The following MINDY3 variants were observed in gnomAD, a reference collection of about 807,000 sequenced individuals.
MINDY3 encodes the protein ubiquitin carboxyl-terminal hydrolase MINDY-3.
In MINDY3, 38 loss-of-function variants were observed where a neutral mutation model predicts 69.2. That is an observed-to-expected ratio of 0.55 (90% CI 0.42 to 0.72). The LOEUF (loss-of-function observed/expected upper bound fraction) is 0.72, where lower values mean the gene tolerates loss of function less well. Among genes scored for constraint, MINDY3 ranks in the 30% least tolerant of loss-of-function variants. MINDY3 has a pLI of 0.00. For synonymous variants in MINDY3, 192 were observed against 180.1 expected (o/e 1.07, Z -0.53); for missense variants, 522 against 519.0 (o/e 1.01, Z -0.06).
intron 4 of MINDY3, among the ~76,000 whole-genome samples, chr10:15,838,568 C>A (rs765402229): frequency 6.6e-6 from 1 of 151,750 alleles, no homozygotes; most frequent in Admixed American, 6.6e-5. Context: ...TACTGATAAT[C>A]AGTGCCTCAC....
intron 1 of MINDY3, chr10:15,858,035 C>T: frequency 1.6e-6 from 1 of 624,316 alleles, no homozygotes. Context: ...TGCCTGTTCC[C>T]ACAATCCCAA....
At chr10:15,787,288 G>C (rs1564454275) in intron 12 of MINDY3, among the ~76,000 whole-genome samples, 1 of 152,142 alleles carries the variant, frequency 6.6e-6, no homozygotes, top group African/African-American at 2.4e-5. Context: ...TACCAAGGCT[G>C]GTGACAGGTG....
At chr10:15,785,104 A>T (rs1169875735) in intron 13 of MINDY3, among the ~76,000 whole-genome samples, 1 of 151,986 alleles carries the variant, frequency 6.6e-6, no homozygotes, top group Non-Finnish European at 1.5e-5. Context: ...GCTCTTGGAG[A>T]TCATACTGAG....
intron 2 of MINDY3, 66 bp downstream of exon 2, chr10:15,847,798 G>GA: frequency 8.6e-7 from 1 of 1,164,384 alleles, no homozygotes; most frequent in Admixed American, 1.8e-5. Context: ...ACAGACATTA[G>GA]AAAACGACAA....
chr10:15,847,116 C>T (rs1469135178), intron 2 of MINDY3, among the ~76,000 whole-genome samples: 1 of 152,154 alleles, frequency 6.6e-6, no homozygotes, highest in Non-Finnish European at 1.5e-5. Context: ...AATAAATTAG[C>T]TGTAATTTTT....
intron 10 of MINDY3, among the ~76,000 whole-genome samples, chr10:15,804,624 A>G (rs937965416): frequency 6.6e-6 from 1 of 152,144 alleles, no homozygotes; most frequent in Non-Finnish European, 1.5e-5. Flanking sequence ...ATAGTGTTTA[A>G]AGTCCCTCCA....
At chr10:15,837,512 T>C (rs1226734913) in intron 5 of MINDY3, 194 bp from the exon 6 acceptor site, 4 of 1,439,714 alleles carry the variant, frequency 2.8e-6, no homozygotes, top group East Asian at 2.8e-5. Context: ...TCACTATATA[T>C]GATATTTATC....
chr10:15,819,551 A>C (rs995252655), intron 9 of MINDY3, among the ~76,000 whole-genome samples: 10 of 152,124 alleles, frequency 6.6e-5, no homozygotes, highest in Admixed American at 2.0e-4. Flanking sequence ...AGAGTTATCC[A>C]AATTAGCCAA....
At chr10:15,783,691 T>A (rs1469844073) in intron 13 of MINDY3, among the ~76,000 whole-genome samples, 1 of 152,198 alleles carries the variant, frequency 6.6e-6, no homozygotes, top group Non-Finnish European at 1.5e-5. Context: ...ATGTCTTACA[T>A]TCCCAACTAA....
In MINDY3 at chr10:15,860,148, G is replaced by A. The variant is rs1024221403; in HGVS notation, c.94+58C>T. The A allele has an allele frequency of 4.6e-6, 6 of 1,292,682 alleles. No homozygotes were observed. The African/African-American group carries it at 7.3e-5, about 16-fold the overall frequency. 80.1% of individuals were successfully genotyped at this position (1,292,682 alleles called of 1,614,324 possible). Reference sequence around the variant, plus strand: ...GGCTGGAGCGAGAGGCGTCACAGGCGGACTCTCGCAGGGCAAAAGAAGCAG... The same window carrying A: ...GGCTGGAGCGAGAGGCGTCACAGGCAGACTCTCGCAGGGCAAAAGAAGCAG... On this transcript the variant is annotated intron_variant, in intron 1 of 14. Coordinates refer to ENST00000277632, the MANE Select transcript of MINDY3 (RefSeq NM_024948.4).
Position 15,778,906 on chromosome 10 carries a change from G to A in MINDY3, c.*86C>T. On this transcript the variant is annotated 3_prime_UTR_variant, in exon 15 of 15. Coordinates refer to ENST00000277632, the MANE Select transcript of MINDY3 (RefSeq NM_024948.4). ...TTTACAGTTAATCAGTGATACCAGT[G>A]TTTAGCTTAATCCAGCCAATTGCCA... The A allele has an allele frequency of 8.6e-7, 1 of 1,169,038 alleles. No homozygotes were observed. Among genetic ancestry groups the A allele is most frequent in the Non-Finnish European group, 1.2e-6 (1 of 817,590 alleles). 72.4% of individuals were successfully genotyped at this position (1,169,038 alleles called of 1,614,324 possible).
intron 14 of MINDY3, among the ~76,000 whole-genome samples, chr10:15,781,362 C>G (rs1180978559): frequency 1.3e-5 from 2 of 149,496 alleles, no homozygotes; most frequent in African/African-American, 4.9e-5. Flanking sequence ...AATGTTAGAC[C>G]TTATTCCTTT....
At chr10:15,851,277 T>C (rs1053579236) in intron 1 of MINDY3, among the ~76,000 whole-genome samples, 11 of 152,140 alleles carry the variant, frequency 7.2e-5, no homozygotes, top group African/African-American at 2.4e-4. Flanking sequence ...AGACAGTCCA[T>C]TCCTTGTTAT....
At chr10:15,847,737 G>C in intron 2 of MINDY3, 127 bp downstream of exon 2, 1 of 563,398 alleles carries the variant, frequency 1.8e-6, no homozygotes, top group Non-Finnish European at 3.2e-6. Context: ...TAATTTACAT[G>C]AGCAAAAGTT....
chr10:15,787,592 C>T (rs1289833502), intron 12 of MINDY3, among the ~76,000 whole-genome samples: 1 of 152,088 alleles, frequency 6.6e-6, no homozygotes, highest in African/African-American at 2.4e-5. Context: ...TAAAGCTATT[C>T]TTGTGAGGGT....
chr10:15,833,573 G>C (rs950147903), intron 8 of MINDY3, 57 bp downstream of exon 8: 1 of 1,092,760 alleles, frequency 9.2e-7, no homozygotes, highest in African/African-American at 1.6e-5. Context: ...ATAATCAGCT[G>C]TATTCCAATG....
intron 14 of MINDY3, among the ~76,000 whole-genome samples, chr10:15,780,377 C>T (rs1836429406): frequency 6.6e-6 from 1 of 152,122 alleles, no homozygotes; most frequent in African/African-American, 2.4e-5. Flanking sequence ...ATTGAAACTA[C>T]AACTCGGGCT....
rs1209623893 is a variant in MINDY3, at chr10:15,789,318, A to G, written c.957T>C (p.Asp319=). Residue 319 remains aspartate, a splice_region_variant and synonymous_variant, in exon 12 of 15, where the codon GAT becomes GAC. Transcript: ENST00000277632. ...RRVFQTYDPE[D]NGFIPDSLLE... ...GAAGTGAATCGGGTATGAATCCATT[A>G]TCTAGGGGGGAAAAAATCAGAAACA... The G allele has an allele frequency of 6.2e-7, 1 of 1,609,414 alleles. No individual in the cohort carries two copies. The highest frequency in any genetic ancestry group is 2.2e-5 in the East Asian group (1 of 44,722).
At chr10:15,815,118 G>A (rs1839266733) in intron 10 of MINDY3, among the ~76,000 whole-genome samples, 1 of 152,320 alleles carries the variant, frequency 6.6e-6, no homozygotes, top group South Asian at 2.1e-4. Flanking sequence ...ATTTTTGTGT[G>A]TAAGTCAGAA....
Sources: allele counts gnomAD v4.1 joint callset (sites outside exome capture counted in the v4.1 genomes callset), GRCh38; gene constraint gnomAD v4.1.1; transcripts MANE v1.5; gene names NCBI Gene and HGNC (gene_info 2026-07-23, HGNC 2026-07-21).